Variants in USP44 observed in about 807,000 individuals in gnomAD.
USP44 encodes the protein ubiquitin carboxyl-terminal hydrolase 44.
In USP44, 61 loss-of-function variants were observed where a neutral mutation model predicts 69.0. That is an observed-to-expected ratio of 0.88 (90% confidence interval 0.72 to 1.09). USP44 has a LOEUF of 1.09. Ranked by LOEUF, USP44 falls within the 50% of genes least tolerant of loss-of-function variation. The pLI, the probability that USP44 is intolerant of heterozygous loss-of-function variation, is 0.00. For missense variants in USP44, 753 were observed against 849.9 expected (o/e 0.89, Z 1.42); for synonymous variants, 297 against 295.4 (o/e 1.01, Z -0.06).
At chr12:95,538,163 A>C (rs923061577) in intron 1 of USP44, among the ~76,000 whole-genome samples, 34 of 152,224 alleles carry the variant, frequency 2.2e-4, no homozygotes, top group Non-Finnish European at 4.0e-4. Context: ...GTGAGCGAGC[A>C]CACACTGGAA....
chr12:95,530,957 G>A (rs2140278914), intron 2 of USP44, among the ~76,000 whole-genome samples: 1 of 152,326 alleles, frequency 6.6e-6, no homozygotes, highest in East Asian at 1.9e-4. Context: ...AAGGTCAGGA[G>A]ATCGAGACCA....
intron 3 of USP44, among the ~76,000 whole-genome samples, chr12:95,527,200 T>C (rs2076867773): frequency 6.6e-6 from 1 of 151,866 alleles, no homozygotes; most frequent in Admixed American, 6.6e-5. Flanking sequence ...GTTCAGGTGA[T>C]TCTCCTGCCT....
At chr12:95,519,646 G>A (rs539506339) in intron 5 of USP44, among the ~76,000 whole-genome samples, 4 of 148,854 alleles carry the variant, frequency 2.7e-5, no homozygotes, top group Admixed American at 1.3e-4. Context: ...GGGTTTCACC[G>A]TGGTCTCGAT....
intron 5 of USP44, 138 bp from the exon 6 acceptor site, chr12:95,518,491 G>A: frequency 1.2e-6 from 1 of 856,608 alleles, no homozygotes; most frequent in Non-Finnish European, 1.8e-6. Context: ...AATATAGATT[G>A]GGCAGTGTTA....
rs745644337 is a variant in USP44 at position 95,533,214 on chromosome 12, C to A, written c.1043G>T (p.Arg348Ile). 6.2e-7 allele frequency: 1 copy of A among 1,614,104 alleles called. No individual in the cohort carries two copies. Among genetic ancestry groups the A allele is most frequent in the Admixed American group, 1.7e-5 (1 of 60,014 alleles). The change falls in exon 2 of 6, where the codon AGA (arginine) becomes ATA (isoleucine). Residue 348 changes from arginine to isoleucine, a missense_variant. Coordinates refer to ENST00000258499, the MANE Select transcript of USP44 (RefSeq NM_032147.5). Reference sequence around the variant, plus strand: ...TAGTCCTGATGACAGACTTGATTGTCTGGAGCAAACAAAACCTGTATCTTT... The same window carrying A: ...TAGTCCTGATGACAGACTTGATTGTATGGAGCAAACAAAACCTGTATCTTT... ...QEKDTGFVCS[R>I]QSSLSSGLSG...
intron 1 of USP44, among the ~76,000 whole-genome samples, chr12:95,543,906 G>C (rs1476085823): frequency 1.5e-5 from 2 of 130,352 alleles, no homozygotes; most frequent in African/African-American, 5.8e-5. Context: ...GGTGGAGCTT[G>C]CAGCGAGCCG....
In USP44 at chr12:95,518,174, A is replaced by AC. The variant is rs1281529904; in HGVS notation, c.2118dup (p.Ser707ValfsTer2). On this transcript the variant is annotated frameshift_variant, in exon 6 of 6. Coordinates refer to ENST00000258499, the MANE Select transcript of USP44 (RefSeq NM_032147.5). LOFTEE classifies it high-confidence loss of function. ...TTGGATCAGCTAAGGATTTCATTAG[A>AC]CGAGGTATCAGCGTCTTCATTGGGA... The AC allele has an allele frequency of 6.2e-7, 1 of 1,614,102 alleles. No individual in the cohort carries two copies. The highest frequency in any genetic ancestry group is 8.5e-7 in the Non-Finnish European group (1 of 1,180,052).
intron 1 of USP44, among the ~76,000 whole-genome samples, chr12:95,545,198 ACT>A (rs1335686830): frequency 6.6e-6 from 1 of 152,080 alleles, no homozygotes. Context: ...ATACATTCTA[ACT>A]CTATTAAAGA....
chr12:95,538,237 A>T (rs1012436048), intron 1 of USP44, among the ~76,000 whole-genome samples: 7 of 152,138 alleles, frequency 4.6e-5, no homozygotes, highest in Non-Finnish European at 8.8e-5. Flanking sequence ...CGTGCTACAT[A>T]CCTCAGTTTT....
At chr12:95,539,808 TAAAC>T (rs1437991606) in intron 1 of USP44, among the ~76,000 whole-genome samples, 6 of 152,318 alleles carry the variant, frequency 3.9e-5, no homozygotes, top group South Asian at 4.2e-4. Flanking sequence ...AAGCACTTAT[TAAAC>T]AAAAAGCTAA....
At chr12:95,531,121 G>A (rs182455878) in intron 2 of USP44, among the ~76,000 whole-genome samples, 36 of 151,924 alleles carry the variant, frequency 2.4e-4, no homozygotes, top group Middle Eastern at 3.4e-3. Flanking sequence ...CCGAGATCGC[G>A]CCACTGCACT....
intron 1 of USP44, among the ~76,000 whole-genome samples, chr12:95,544,048 CTTTTTTTTT>C (rs1191045599): frequency 4.1e-5 from 4 of 97,250 alleles, no homozygotes; most frequent in Admixed American, 2.8e-4. Context: ...TTTTAGTTAT[CTTTTTTTTT>C]TTTTTTTTTT....
At chr12:95,534,914 C>T (rs1001722192) in intron 1 of USP44, among the ~76,000 whole-genome samples, 1 of 152,164 alleles carries the variant, frequency 6.6e-6, no homozygotes, top group African/African-American at 2.4e-5. Context: ...CTCCTGAGCT[C>T]GGGTCATCTA....
chr12:95,549,043 G>A (rs1303563066), intron 1 of USP44, among the ~76,000 whole-genome samples: 1 of 152,202 alleles, frequency 6.6e-6, no homozygotes, highest in East Asian at 1.9e-4. Context: ...CCCCGGGCGG[G>A]CTTCGCACCT....
chr12:95,531,911 G>A (rs983519272), intron 2 of USP44, among the ~76,000 whole-genome samples: 21 of 152,276 alleles, frequency 1.4e-4, no homozygotes, highest in African/African-American at 5.1e-4. Context: ...ACTCAGTATA[G>A]AGAACCTTTA....
At chr12:95,543,094 AAAAAAG>A (rs1179878576) in intron 1 of USP44, among the ~76,000 whole-genome samples, 17 of 78,718 alleles carry the variant, frequency 2.2e-4, no homozygotes, top group South Asian at 1.4e-3. Flanking sequence ...TCTCAAAAAA[AAAAAAG>A]AAAGAAAATA....
At chr12:95,518,419 A>G in intron 5 of USP44, 66 bp from the exon 6 acceptor site, 1 of 1,491,666 alleles carries the variant, frequency 6.7e-7, no homozygotes, top group South Asian at 1.2e-5. Flanking sequence ...AAAGGCATTG[A>G]GTGAGAAGCT....
At chr12:95,524,636 T>TAA (rs754126121) in intron 4 of USP44, 44 bp downstream of exon 4, 1 of 1,444,650 alleles carries the variant, frequency 6.9e-7, no homozygotes, top group South Asian at 1.3e-5. Flanking sequence ...TGAAGCATTA[T>TAA]AAGCACAAGG....
chr12:95,542,221 A>C (rs2077412304), intron 1 of USP44, among the ~76,000 whole-genome samples: 1 of 152,146 alleles, frequency 6.6e-6, no homozygotes, highest in African/African-American at 2.4e-5. Context: ...TGCTAACATT[A>C]TGCCAACTTG....
Sources: gnomAD v4.1 joint callset for allele counts (sites outside exome capture counted in the v4.1 genomes callset) on GRCh38, gnomAD v4.1.1 for gene constraint, MANE v1.5 for transcripts, NCBI Gene and HGNC (gene_info 2026-07-23, HGNC 2026-07-21) for gene names.